TLL2: variants seen among roughly 807,000 people sequenced by gnomAD.
TLL2 encodes the protein tolloid-like protein 2.
TLL2 carries 106 observed loss-of-function variants against 123.0 expected under a neutral mutation model. The ratio of observed to expected loss-of-function variants is 0.86; its 90% CI spans 0.74 to 1.01. TLL2 has a LOEUF of 1.01. Among genes scored for constraint, TLL2 ranks in the 50% least tolerant of loss-of-function variants. The pLI is 0.00. For missense variants in TLL2, 1,332 were observed against 1,336.7 expected, an observed-to-expected ratio of 1.00 and a Z score of 0.06; for synonymous variants, 494 against 516.8, an observed-to-expected ratio of 0.96 and a Z score of 0.60.
At chr10:96,438,437 G>T (rs1846818698) in intron 3 of TLL2, among the ~76,000 whole-genome samples, 1 of 152,288 alleles carries the variant, frequency 6.6e-6, no homozygotes, top group Admixed American at 6.5e-5. Context: ...ATATAGAAAT[G>T]TGAGCCATTA....
At chr10:96,378,058 C>T (rs535912424) in intron 17 of TLL2, among the ~76,000 whole-genome samples, 14 of 152,408 alleles carry the variant, frequency 9.2e-5, no homozygotes, top group Admixed American at 7.2e-4. Flanking sequence ...CACCCAGCCC[C>T]TCCGCCACCT....
At chr10:96,466,356 C>G (rs1285585000) in intron 2 of TLL2, among the ~76,000 whole-genome samples, 1 of 152,220 alleles carries the variant, frequency 6.6e-6, no homozygotes, top group Admixed American at 6.5e-5. Context: ...CCTTCTCTCT[C>G]TGGATCTCCT....
intron 5 of TLL2, among the ~76,000 whole-genome samples, chr10:96,426,671 G>T (rs1846680415): frequency 6.6e-6 from 1 of 152,052 alleles, no homozygotes; most frequent in Non-Finnish European, 1.5e-5. Context: ...CTAGAGTTTT[G>T]CAAACTACTC....
intron 1 of TLL2, among the ~76,000 whole-genome samples, chr10:96,482,054 G>A (rs975976921): frequency 1.3e-5 from 2 of 152,060 alleles, no homozygotes; most frequent in East Asian, 3.9e-4. Flanking sequence ...TCAGGAGATC[G>A]AGACCATCCT....
At chr10:96,476,931 A>C (rs528132816) in intron 2 of TLL2, among the ~76,000 whole-genome samples, 105 of 151,558 alleles carry the variant, frequency 6.9e-4, no homozygotes, top group African/African-American at 2.5e-3. Flanking sequence ...GAGCACATTA[A>C]GTCTGGAAAG....
chr10:96,440,389 C>T (rs1846839865), intron 3 of TLL2, among the ~76,000 whole-genome samples: 2 of 152,204 alleles, frequency 1.3e-5, no homozygotes, highest in Non-Finnish European at 2.9e-5. Flanking sequence ...GTCCAAACAA[C>T]TCTGTGTTGG....
At chr10:96,381,853 A>C (rs1846189145) in intron 16 of TLL2, among the ~76,000 whole-genome samples, 1 of 152,208 alleles carries the variant, frequency 6.6e-6, no homozygotes, top group African/African-American at 2.4e-5. Flanking sequence ...AGACTGCCAA[A>C]AAAAAAATGC....
intron 17 of TLL2, among the ~76,000 whole-genome samples, chr10:96,378,386 G>A (rs1032358965): frequency 2.1e-5 from 3 of 141,134 alleles, no homozygotes; most frequent in African/African-American, 8.0e-5. Flanking sequence ...GACAGTAAAA[G>A]CCACCTGGCC....
intron 4 of TLL2, 37 bp downstream of exon 4, chr10:96,432,770 C>T: frequency 6.2e-7 from 1 of 1,601,208 alleles, no homozygotes; most frequent in South Asian, 1.1e-5. Context: ...AGACAAAGCA[C>T]CCTGACCCAA....
intron 1 of TLL2, 34 bp from the exon 2 acceptor site, chr10:96,480,493 G>A: frequency 1.9e-6 from 3 of 1,552,646 alleles, no homozygotes; most frequent in Non-Finnish European, 2.7e-6. Flanking sequence ...GTGAATTTAT[G>A]CTAGAAGTCA....
Position 96,373,587 on chromosome 10 carries a change from C to G in TLL2, c.2662+9G>C, listed in dbSNP as rs1846104753. On this transcript the variant is annotated intron_variant, in intron 19 of 20. Transcript: ENST00000357947. Reference sequence around the variant, plus strand: ...CATCAGGTGGAAGCCAGTGTCCCACCCCAGGTACCTGTGCTGTGCACTGCC... The same window carrying G: ...CATCAGGTGGAAGCCAGTGTCCCACGCCAGGTACCTGTGCTGTGCACTGCC... 1.2e-6 allele frequency: 2 copies of G among 1,612,950 alleles called. No individual in the cohort carries two copies. The highest frequency in any genetic ancestry group is 1.7e-6 in the Non-Finnish European group (2 of 1,179,100).
intron 5 of TLL2, among the ~76,000 whole-genome samples, chr10:96,423,279 A>G (rs1293810504): frequency 1.3e-5 from 2 of 152,188 alleles, no homozygotes; most frequent in Non-Finnish European, 2.9e-5. Context: ...AAAAGCCAAC[A>G]AAAGATACGG....
chr10:96,413,263 G>A lies in TLL2; in HGVS notation c.977C>T (p.Pro326Leu). ...GAGCCGCACGCGCTGGCCAATGGTT[G>A]GCCTGACGCCATTGTCATCTTGACG... ...LPRQDDNGVR[P>L]TIGQRVRLSQ... Residue 326 changes from proline (P) to leucine (L), a missense_variant, in exon 8 of 21, where the codon CCA becomes CTA. Transcript: ENST00000357947. The A allele has an allele frequency of 6.2e-7, 1 of 1,614,152 alleles. No homozygotes were observed. Among genetic ancestry groups the A allele is most frequent in the South Asian group, 1.1e-5 (1 of 91,076 alleles).
At chr10:96,461,646 C>T (rs944389209) in intron 2 of TLL2, among the ~76,000 whole-genome samples, 1 of 152,218 alleles carries the variant, frequency 6.6e-6, no homozygotes, top group African/African-American at 2.4e-5. Context: ...CAATGACTCC[C>T]CTGCACTGCA....
chr10:96,422,821 G>A (rs1204668863), intron 5 of TLL2, 94 bp from the exon 6 acceptor site: 2 of 1,435,012 alleles, frequency 1.4e-6, no homozygotes, highest in African/African-American at 2.8e-5. Context: ...GTGTGCGTGT[G>A]TGCATGTAAA....
chr10:96,408,741 A>G (rs1213599140), intron 9 of TLL2, among the ~76,000 whole-genome samples: 1 of 152,238 alleles, frequency 6.6e-6, no homozygotes, highest in Non-Finnish European at 1.5e-5. Context: ...GTATGTATAT[A>G]AATGCACGTT....
chr10:96,431,725 G>A (rs1036594665), intron 4 of TLL2, among the ~76,000 whole-genome samples: 7 of 152,196 alleles, frequency 4.6e-5, no homozygotes, highest in Non-Finnish European at 4.4e-5. Context: ...AGAAATAGAA[G>A]TAAAGAGTTC....
intron 16 of TLL2, among the ~76,000 whole-genome samples, chr10:96,382,271 C>A (rs1015206929): frequency 6.6e-6 from 1 of 152,220 alleles, no homozygotes; most frequent in Admixed American, 6.5e-5. Context: ...CCTCGTGATC[C>A]ACCCGCCTTG....
At chr10:96,445,135 G>A (rs539934008) in intron 3 of TLL2, among the ~76,000 whole-genome samples, 38 of 152,302 alleles carry the variant, frequency 2.5e-4, no homozygotes, top group Middle Eastern at 3.4e-3. Context: ...CTTGCAGTGA[G>A]CTGAGATCGC....
Sources: gnomAD v4.1 joint callset for allele counts (sites outside exome capture counted in the v4.1 genomes callset) on GRCh38, gnomAD v4.1.1 for gene constraint, MANE v1.5 for transcripts, NCBI Gene and HGNC (gene_info 2026-07-23, HGNC 2026-07-21) for gene names.